PRDM2: variants seen among roughly 807,000 people sequenced by gnomAD.
PRDM2 encodes the protein PR domain zinc finger protein 2.
In PRDM2, 30 loss-of-function variants were observed where a neutral mutation model predicts 130.0. The observed-to-expected ratio is 0.23, with a 90% CI of 0.17 to 0.31. The LOEUF (loss-of-function observed/expected upper bound fraction) is 0.31. Ranked by LOEUF, PRDM2 falls within the 10% of genes least tolerant of loss-of-function variation. The probability of loss-of-function intolerance (pLI) is 1.00; values close to 1 mark genes in which losing one functional copy is unlikely to be tolerated. For synonymous variants in PRDM2, 871 were observed against 782.4 expected, an observed-to-expected ratio of 1.11 and a Z score of -1.89; for missense variants, 2,011 against 2,108.4, an observed-to-expected ratio of 0.95 and a Z score of 0.90.
Position 13,823,226 on chromosome 1 carries a change from C to G in PRDM2, c.*91C>G, listed in dbSNP as rs776728325. 1.4e-5 allele frequency: 23 copies of G among 1,604,494 alleles called. No homozygotes were observed. The highest frequency in any genetic ancestry group is 3.3e-4 in the Middle Eastern group (2 of 6,068). On this transcript the variant is annotated 3_prime_UTR_variant, in exon 10 of 10. Coordinates refer to ENST00000311066, the MANE Select transcript of PRDM2 (RefSeq NM_001393986.1). Reference sequence around the variant, plus strand: ...AGTCTGCCCTGCAGGGAGTACCGACCTATCCCAGTTGTGTGAGGCTGCGAG... The same window carrying G: ...AGTCTGCCCTGCAGGGAGTACCGACGTATCCCAGTTGTGTGAGGCTGCGAG...
At chr1:13,768,169 C>G (rs1338502115) in intron 6 of PRDM2, among the ~76,000 whole-genome samples, 1 of 151,092 alleles carries the variant, frequency 6.6e-6, no homozygotes, top group East Asian at 2.0e-4. Flanking sequence ...GCTCCACCTC[C>G]CGGGTTCACG....
Position 13,780,443 on chromosome 1 carries a change from C to G in PRDM2, c.2648C>G (p.Pro883Arg), listed in dbSNP as rs761055770. 2 of 1,614,038 alleles carry G rather than the reference C, an allele frequency of 1.2e-6. No homozygotes were observed. The highest frequency in any genetic ancestry group is 1.1e-5 in the South Asian group (1 of 91,082). The change falls in exon 8 of 10, where the codon CCA becomes CGA. Residue 883 changes from proline (P) to arginine (R), a missense_variant. Physicochemically the swap from Pro to Arg is moderately radical, Grantham distance 103. Coordinates refer to ENST00000311066, the MANE Select transcript of PRDM2 (RefSeq NM_001393986.1). ...PTCSAVKKRKPTTCMLQKVLL... is the reference protein window; with the variant it reads ...PTCSAVKKRKRTTCMLQKVLL... ...TGTAGTGCTGTAAAGAAAAGGAAAC[C>G]AACCACCTGCATGCTGCAGAAGGTT...
At chr1:13,775,862 C>CCCAT (rs1644463896) in intron 7 of PRDM2, among the ~76,000 whole-genome samples, 1 of 152,156 alleles carries the variant, frequency 6.6e-6, no homozygotes, top group South Asian at 2.1e-4. Flanking sequence ...ATGACCTTCC[C>CCCAT]CCATCCCTTC....
rs571658583 is a variant in PRDM2, at chr1:13,710,816, G to T, written c.-65-4725G>T. 3.3e-5 allele frequency among the ~76,000 whole-genome samples: 5 copies of T among 152,252 alleles called. No homozygotes were observed. The South Asian group carries it at 8.3e-4, about 25-fold the overall frequency. ...AAAAAAGAGCATTTGGCCGGGCGCG[G>T]TGGCTCACACCTGTAATCCCAACAC... On this transcript the variant is annotated intron_variant, in intron 1 of 9. Coordinates refer to ENST00000311066, the MANE Select transcript of PRDM2 (RefSeq NM_001393986.1).
intron 8 of PRDM2, among the ~76,000 whole-genome samples, chr1:13,785,904 T>A (rs1644725701): frequency 6.7e-6 from 1 of 149,244 alleles, no homozygotes; most frequent in South Asian, 2.2e-4. Context: ...AGTGGCACGA[T>A]CTTGGCTCAC....
chr1:13,778,166 CGT>C (rs1210941528), intron 7 of PRDM2, among the ~76,000 whole-genome samples: 3 of 152,186 alleles, frequency 2.0e-5, no homozygotes, highest in African/African-American at 7.2e-5. Context: ...CTGTTGCGCT[CGT>C]GTGTGTCCTC....
chr1:13,796,105 T>G (rs1644919139), intron 8 of PRDM2, among the ~76,000 whole-genome samples: 1 of 152,222 alleles, frequency 6.6e-6, no homozygotes, highest in Non-Finnish European at 1.5e-5. Flanking sequence ...CACCCTTCTT[T>G]GAGGGTTCAA....
intron 4 of PRDM2, among the ~76,000 whole-genome samples, chr1:13,734,147 A>G (rs921767492): frequency 1.3e-5 from 2 of 152,362 alleles, no homozygotes; most frequent in East Asian, 3.9e-4. Flanking sequence ...ATTTACCACA[A>G]GAGTCATTGC....
At chr1:13,746,645 C>T (rs1192304431) in intron 5 of PRDM2, among the ~76,000 whole-genome samples, 6 of 152,018 alleles carry the variant, frequency 3.9e-5, no homozygotes, top group South Asian at 4.1e-4. Flanking sequence ...CAGCCTCCAC[C>T]TCCCAAGCTC....
chr1:13,718,358 C>T (rs1642612280), intron 2 of PRDM2, among the ~76,000 whole-genome samples: 1 of 152,126 alleles, frequency 6.6e-6, no homozygotes, highest in South Asian at 2.1e-4. Context: ...AGTTGAGTTT[C>T]AGGGACTGCA....
chr1:13,720,943 G>A (rs1004675847), intron 2 of PRDM2, among the ~76,000 whole-genome samples: 5 of 152,172 alleles, frequency 3.3e-5, no homozygotes, highest in Non-Finnish European at 5.9e-5. Flanking sequence ...TTTCACACCC[G>A]TGTAACTATC....
At chr1:13,811,936 C>T (rs2100757388) in intron 8 of PRDM2, among the ~76,000 whole-genome samples, 1 of 152,306 alleles carries the variant, frequency 6.6e-6, no homozygotes, top group South Asian at 2.1e-4. Flanking sequence ...AGGGAGCAAC[C>T]AGGTAAGAAG....
intron 4 of PRDM2, among the ~76,000 whole-genome samples, chr1:13,734,576 G>C (rs1643210312): frequency 6.6e-6 from 1 of 152,144 alleles, no homozygotes; most frequent in African/African-American, 2.4e-5. Context: ...TTCATACATA[G>C]TATGACTTGA....
intron 8 of PRDM2, among the ~76,000 whole-genome samples, chr1:13,794,993 T>G (rs1036530115): frequency 1.3e-5 from 2 of 152,154 alleles, no homozygotes; most frequent in African/African-American, 4.8e-5. Context: ...CTCCCACCCA[T>G]CAGAACTAAA....
intron 2 of PRDM2, among the ~76,000 whole-genome samples, chr1:13,723,889 G>A (rs1480991505): frequency 6.6e-6 from 1 of 152,180 alleles, no homozygotes; most frequent in East Asian, 1.9e-4. Context: ...AGGCTGTATC[G>A]AGGCGAGTAA....
At chr1:13,722,881 A>C (rs765742430) in intron 2 of PRDM2, 1 of 514,372 alleles carries the variant, frequency 1.9e-6, no homozygotes, top group South Asian at 1.4e-5. Flanking sequence ...ATTCAAGAAG[A>C]CAAAAGGTTC....
At chr1:13,726,897 AGG>A (rs1642934318) in intron 2 of PRDM2, among the ~76,000 whole-genome samples, 1 of 152,176 alleles carries the variant, frequency 6.6e-6, no homozygotes, top group Non-Finnish European at 1.5e-5. Flanking sequence ...CAGCAAGGAC[AGG>A]GCGTACTGGG....
At chr1:13,749,164 T>A (rs1297547942) in intron 5 of PRDM2, among the ~76,000 whole-genome samples, 197 bp from the exon 6 acceptor site, 1 of 151,612 alleles carries the variant, frequency 6.6e-6, no homozygotes, top group Non-Finnish European at 1.5e-5. Flanking sequence ...GGTGCGGTCC[T>A]CCCTCCAGCA....
At chr1:13,747,769 C>CA (rs78988090) in intron 5 of PRDM2, among the ~76,000 whole-genome samples, 6,953 of 47,706 alleles carry the variant, frequency 0.15, 320 homozygotes, top group African/African-American at 0.24. Context: ...TCCCTCCCCG[C>CA]AAAAAAAAAA....
Sources: allele counts gnomAD v4.1 joint callset (sites outside exome capture counted in the v4.1 genomes callset), GRCh38; gene constraint gnomAD v4.1.1; transcripts MANE v1.5; gene names NCBI Gene and HGNC (gene_info 2026-07-23, HGNC 2026-07-21).